SLC5A6: variants seen among roughly 807,000 people sequenced by gnomAD.
The protein encoded by SLC5A6 is sodium-dependent multivitamin transporter.
A neutral mutation model predicts 67.9 loss-of-function variants in SLC5A6; 31 were observed. That is an observed-to-expected ratio of 0.46 (90% CI 0.34 to 0.62). The LOEUF (loss-of-function observed/expected upper bound fraction) is 0.62, where lower values mean the gene tolerates loss of function less well. Ranked by LOEUF, SLC5A6 falls within the 20% of genes least tolerant of loss-of-function variation. The pLI, the probability that SLC5A6 is intolerant of heterozygous loss-of-function variation, is 0.01. For synonymous variants in SLC5A6, 343 were observed against 331.0 expected, an observed-to-expected ratio of 1.04 and a Z score of -0.39; for missense variants, 673 against 812.8, an observed-to-expected ratio of 0.83 and a Z score of 2.09.
At chr2:27,200,682 G>T in intron 16 of SLC5A6, 103 bp from the exon 17 acceptor site, 2 of 1,273,240 alleles carry the variant, frequency 1.6e-6, no homozygotes, top group Non-Finnish European at 1.1e-6. Flanking sequence ...GCCCAGCAAG[G>T]CTGGGTTCGG....
Position 27,207,724 on chromosome 2 carries a change from G to A in SLC5A6, c.-74C>T. 1 of 1,410,562 alleles carries A rather than the reference G, an allele frequency of 7.1e-7. No individual in the cohort carries two copies. The highest frequency in any genetic ancestry group is 9.8e-7 in the Non-Finnish European group (1 of 1,024,962). The allele number at this position is 1,410,562 out of a possible 1,614,324, so 87.4% of individuals were successfully genotyped here. On this transcript the variant is annotated 5_prime_UTR_variant, in exon 3 of 17. Coordinates refer to ENST00000310574, the MANE Select transcript of SLC5A6 (RefSeq NM_021095.4). The surrounding 1 kb of genome is among the most constrained non-coding windows in gnomAD (Gnocchi z 5.5). Reference sequence around the variant, plus strand: ...GGGGTAGGGCAGGGGCGGATGTGTGGCTACAATCTGGCTTCCAGCCACAGT... The same window carrying A: ...GGGGTAGGGCAGGGGCGGATGTGTGACTACAATCTGGCTTCCAGCCACAGT...
rs1673838649 is a variant in SLC5A6 at position 27,203,859 on chromosome 2, C to T, written c.1014G>A (p.Leu338=). 2 of 1,613,774 alleles carry T rather than the reference C, an allele frequency of 1.2e-6. No individual in the cohort carries two copies. Among genetic ancestry groups the T allele is most frequent in the Non-Finnish European group, 1.7e-6 (2 of 1,179,706 alleles). The part of the protein sequence containing the change: ...QAQAAPDQFV[L]YFVMDLLKGL... Reference sequence around the variant, plus strand: ...CCTTCAGGAGATCCATCACAAAGTACAGGACGAACTGCAAGCAGAGCGGAG... The same window carrying T: ...CCTTCAGGAGATCCATCACAAAGTATAGGACGAACTGCAAGCAGAGCGGAG... Residue 338 remains leucine, a synonymous_variant, in exon 10 of 17, where the codon CTG becomes CTA. Transcript: ENST00000310574.
At chr2:27,210,109 A>G (rs1380023161) in intron 2 of SLC5A6, among the ~76,000 whole-genome samples, 1 of 152,238 alleles carries the variant, frequency 6.6e-6, no homozygotes, top group Non-Finnish European at 1.5e-5. Context: ...GGCCAGAGAC[A>G]GGAAGGAAAG....
intron 2 of SLC5A6, among the ~76,000 whole-genome samples, chr2:27,209,140 G>A (rs200770340): frequency 6.6e-6 from 1 of 152,172 alleles, no homozygotes; most frequent in East Asian, 1.9e-4. Flanking sequence ...TGGTTCAAGT[G>A]ACCTTTCCAA....
upstream of SLC5A6, chr2:27,212,759 C>G: frequency 1.2e-6 from 1 of 859,182 alleles, no homozygotes; most frequent in Non-Finnish European, 1.6e-6. Context: ...TGTAATCTCT[C>G]TACGCACGAA....
chr2:27,200,244 C>T lies in SLC5A6; in HGVS notation c.*192G>A, dbSNP rs996984107. ...ACAGATTGGCAAGCGACGAGAAAAA[C>T]GGTGCCTCACATGCTTGAGATGTGA... is the stretch of plus-strand genomic sequence containing the variant. On this transcript the variant is annotated 3_prime_UTR_variant, in exon 17 of 17. Coordinates refer to ENST00000310574, the MANE Select transcript of SLC5A6 (RefSeq NM_021095.4). 4.4e-5 allele frequency: 22 copies of T among 496,506 alleles called. No homozygotes were observed. The highest frequency in any genetic ancestry group is 3.4e-4 in the Admixed American group (9 of 26,822). The allele number at this position is 496,506 out of a possible 1,614,324, so 30.8% of individuals were successfully genotyped here.
chr2:27,207,477 C>T lies in SLC5A6; in HGVS notation c.174G>A (p.Glu58=). The change falls in exon 3 of 17, where the codon GAG becomes GAA. Residue 58 remains glutamate (E), a synonymous_variant. Coordinates refer to ENST00000310574, the MANE Select transcript of SLC5A6 (RefSeq NM_021095.4). The surrounding 1 kb of genome is among the most constrained non-coding windows in gnomAD (Gnocchi z 5.5). ...CRGWGRHTVG[E]LLMADRKMGC... is the part of the protein sequence containing the mutation. ...CCATTTTGCGGTCCGCCATCAGCAG[C>T]TCACCAACAGTATGCCGGCCCCAGC... 6.2e-7 allele frequency: 1 copy of T among 1,614,214 alleles called. No individual in the cohort carries two copies. The highest frequency in any genetic ancestry group is 1.1e-5 in the South Asian group (1 of 91,082).
At chr2:27,205,106 G>A in intron 7 of SLC5A6, 175 bp from the exon 8 acceptor site, 2 of 757,986 alleles carry the variant, frequency 2.6e-6, no homozygotes, top group South Asian at 1.8e-5. Context: ...GTTAGAGGGA[G>A]GCTCCATTCT....
In SLC5A6 at chr2:27,199,804, G is replaced by A. The variant is rs1673482059; in HGVS notation, c.*632C>T. 6.5e-6 allele frequency: 1 copy of A among 152,792 alleles called. No individual in the cohort carries two copies. The highest frequency in any genetic ancestry group is 2.4e-5 in the African/African-American group (1 of 41,440). The allele number at this position is 152,792 out of a possible 1,614,324, so 9.5% of individuals were successfully genotyped here. ...CTTAAGTGTCCATCTCAGAGGTGGA[G>A]GATGGAGACAGTGAGGTGGAAAACG... On this transcript the variant is annotated 3_prime_UTR_variant, in exon 17 of 17. Coordinates refer to ENST00000310574, the MANE Select transcript of SLC5A6 (RefSeq NM_021095.4).
chr2:27,210,238 G>A (rs1674370346), intron 2 of SLC5A6, among the ~76,000 whole-genome samples: 1 of 152,116 alleles, frequency 6.6e-6, no homozygotes, highest in South Asian at 2.1e-4. Context: ...AGAGCCCCAG[G>A]GAAGACAGGA....
intron 6 of SLC5A6, among the ~76,000 whole-genome samples, chr2:27,205,778 T>C (rs935036199): frequency 6.6e-6 from 1 of 152,200 alleles, no homozygotes; most frequent in Admixed American, 6.5e-5. Flanking sequence ...AAGAACATAC[T>C]ACCAGTGAGG....
intron 2 of SLC5A6, among the ~76,000 whole-genome samples, chr2:27,210,617 T>C (rs1674409708): frequency 6.7e-6 from 1 of 149,122 alleles, no homozygotes; most frequent in South Asian, 2.1e-4. Context: ...TTTTTTTTTG[T>C]ATTTTTAGTA....
Position 27,202,503 on chromosome 2 carries a change from CAAAAAAAAA to C in SLC5A6, c.1275+301_1275+309del, listed in dbSNP as rs10638396. Among the ~76,000 whole-genome samples, 5 of 72,294 alleles carry C rather than the reference CAAAAAAAAA, an allele frequency of 6.9e-5. No homozygotes were observed. In the East Asian group the frequency reaches 1.6e-3, roughly 24 times the overall value. The allele number at this position is 72,294 out of a possible 152,430, so 47.4% of individuals were successfully genotyped here. ...TGAGCAACAGAATGAGACTCTGTCT[CAAAAAAAAA>C]AAAAAAAAAAAAAGAACTCCAGAGG... On this transcript the variant is annotated intron_variant, in intron 12 of 16. Transcript: ENST00000310574.
Position 27,207,350 on chromosome 2 carries a change from A to G in SLC5A6, c.301T>C (p.Phe101Leu), listed in dbSNP as rs1197183469. 6 of 1,614,098 alleles carry G rather than the reference A, an allele frequency of 3.7e-6. No homozygotes were observed. The Admixed American group carries it at 1.0e-4, about 27-fold the overall frequency. Reference sequence around the variant, plus strand: ...CCCAGAAAGTAGCAGCAGCCCAGGAACCAATATTGGGTCCCAAATCGGTAG... The same window carrying G: ...CCCAGAAAGTAGCAGCAGCCCAGGAGCCAATATTGGGTCCCAAATCGGTAG... Reference protein sequence around the residue: ...EIYRFGTQYWFLGCCYFLGLL... With the variant: ...EIYRFGTQYWLLGCCYFLGLL... The change falls in exon 3 of 17, where the codon TTC becomes CTC. Residue 101 changes from phenylalanine (F) to leucine (L), a missense_variant. Phe to Leu is a conservative substitution (Grantham distance 22, BLOSUM62 0). Transcript: ENST00000310574. This position sits in a 1 kb window ranked among gnomAD's most constrained non-coding sequence, Gnocchi z 5.5.
At chr2:27,212,386 G>A (rs1340116132), upstream of SLC5A6, 1 of 1,550,662 alleles carries the variant, frequency 6.4e-7, no homozygotes, top group East Asian at 2.4e-5. Flanking sequence ...CTCACGACCC[G>A]GGTAGTCTTA....
At chr2:27,206,761 G>A in intron 4 of SLC5A6, 116 bp downstream of exon 4, 1 of 957,370 alleles carries the variant, frequency 1.0e-6, no homozygotes, top group Non-Finnish European at 1.7e-6. Flanking sequence ...CTAACCTCTA[G>A]CAGGAATTTC....
At chr2:27,203,670 G>A in intron 10 of SLC5A6, 109 bp downstream of exon 10, 1 of 817,924 alleles carries the variant, frequency 1.2e-6, no homozygotes, top group Non-Finnish European at 2.1e-6. Flanking sequence ...CAGGCACAGT[G>A]AGAAACTTAG....
chr2:27,207,496 CCCCAGCCACG>C lies in SLC5A6; in HGVS notation c.145_154del (p.Arg49AlafsTer9). ...CAGCAGCTCACCAACAGTATGCCGG[CCCCAGCCACG>C]ACAAGCATGGTAGAGCCCAATGGCA... On this transcript the variant is annotated frameshift_variant, in exon 3 of 17. Coordinates refer to ENST00000310574, the MANE Select transcript of SLC5A6 (RefSeq NM_021095.4). LOFTEE classifies it high-confidence loss of function. The surrounding 1 kb of genome is among the most constrained non-coding windows in gnomAD (Gnocchi z 5.5). The C allele has an allele frequency of 6.2e-7, 1 of 1,614,182 alleles. No individual in the cohort carries two copies. The highest frequency in any genetic ancestry group is 8.5e-7 in the Non-Finnish European group (1 of 1,180,042).
chr2:27,211,937 C>A (rs1421738093), intron 1 of SLC5A6, 83 bp downstream of exon 1: 3 of 446,268 alleles, frequency 6.7e-6, no homozygotes, highest in South Asian at 3.2e-5. Flanking sequence ...AGAGCCCGGC[C>A]GAGAGCCCTG....
Sources: gnomAD v4.1 joint callset for allele counts (sites outside exome capture counted in the v4.1 genomes callset) on GRCh38, gnomAD v4.1.1 for gene constraint, Gnocchi (gnomAD v3.1) non-coding constraint, MANE v1.5 for transcripts, NCBI Gene and HGNC (gene_info 2026-07-23, HGNC 2026-07-21) for gene names.